ROBO1: variants seen among roughly 807,000 people sequenced by gnomAD.
The protein encoded by ROBO1 is roundabout guidance receptor 1.
ROBO1 carries 149 observed loss-of-function variants against 195.9 expected under a neutral mutation model. That is an observed-to-expected ratio of 0.76 (90% CI 0.67 to 0.87). The LOEUF is 0.87. Ranked by LOEUF, ROBO1 falls within the 40% of genes least tolerant of loss-of-function variation. ROBO1 has a pLI of 0.00. For missense variants in ROBO1, 1,933 were observed against 2,068.3 expected (o/e 0.93, Z 1.27); for synonymous variants, 816 against 733.2 (o/e 1.11, Z -1.82).
intron 1 of ROBO1, among the ~76,000 whole-genome samples, chr3:79,749,203 T>G (rs145323432): frequency 6.6e-6 from 1 of 152,222 alleles, no homozygotes; most frequent in African/African-American, 2.4e-5. Context: ...CTGGTGACAT[T>G]TTGCCCCTGC....
chr3:78,711,383 C>G (rs1262863170), intron 8 of ROBO1, among the ~76,000 whole-genome samples: 1 of 33,502 alleles, frequency 3.0e-5, no homozygotes, highest in African/African-American at 1.2e-4. Flanking sequence ...TCCTTCCTTC[C>G]TTCCTTCCTT....
At chr3:79,346,174 T>C (rs137939265) in intron 2 of ROBO1, among the ~76,000 whole-genome samples, 1 of 151,950 alleles carries the variant, frequency 6.6e-6, no homozygotes, top group African/African-American at 2.4e-5. Flanking sequence ...TTAATATTTA[T>C]AGAGAAATAC....
At chr3:79,643,700 G>A (rs1945733914) in intron 1 of ROBO1, among the ~76,000 whole-genome samples, 1 of 151,700 alleles carries the variant, frequency 6.6e-6, no homozygotes, top group African/African-American at 2.4e-5. Flanking sequence ...TAAGTCTCAT[G>A]GTAACCACAA....
intron 2 of ROBO1, among the ~76,000 whole-genome samples, chr3:79,185,501 A>G (rs2081421179): frequency 6.6e-6 from 1 of 152,158 alleles, no homozygotes; most frequent in South Asian, 2.1e-4. Context: ...CTTCCTAATC[A>G]TAAACTTTAT....
intron 4 of ROBO1, among the ~76,000 whole-genome samples, chr3:78,788,392 A>T (rs1411272130): frequency 7.1e-6 from 1 of 140,368 alleles, no homozygotes; most frequent in Admixed American, 7.5e-5. Context: ...TGCTGGGATT[A>T]CAGGTATGAG....
chr3:79,201,639 T>C (rs957425335), intron 2 of ROBO1, among the ~76,000 whole-genome samples: 9 of 151,932 alleles, frequency 5.9e-5, no homozygotes, highest in African/African-American at 1.9e-4. Context: ...GTCTTAAATG[T>C]CAGATCTTCC....
intron 2 of ROBO1, among the ~76,000 whole-genome samples, chr3:79,493,287 T>G (rs2107461190): frequency 6.6e-6 from 1 of 152,170 alleles, no homozygotes; most frequent in South Asian, 2.1e-4. Context: ...ATTTGCAATT[T>G]TATAAACTCT....
chr3:79,563,321 T>C (rs958684747), intron 2 of ROBO1, among the ~76,000 whole-genome samples: 2 of 152,084 alleles, frequency 1.3e-5, no homozygotes, highest in African/African-American at 4.8e-5. Context: ...AAACTTCAAC[T>C]ACAAATGATA....
At chr3:79,745,622 T>C (rs1447409259) in intron 1 of ROBO1, among the ~76,000 whole-genome samples, 1 of 152,152 alleles carries the variant, frequency 6.6e-6, no homozygotes, top group Non-Finnish European at 1.5e-5. Flanking sequence ...GGTGTGATAA[T>C]ATTTATCCTG....
chr3:79,166,997 T>A (rs193190515), intron 2 of ROBO1, among the ~76,000 whole-genome samples: 358 of 152,118 alleles, frequency 2.4e-3, no homozygotes, highest in Middle Eastern at 0.017. Context: ...GATGTGCACA[T>A]ATCCACGTGT....
intron 3 of ROBO1, among the ~76,000 whole-genome samples, chr3:79,092,823 A>C (rs921114442): frequency 6.6e-6 from 1 of 151,930 alleles, no homozygotes; most frequent in Non-Finnish European, 1.5e-5. Context: ...TCATTTTTTG[A>C]CCTCATTCTC....
At chr3:79,657,742 T>A (rs1946210433) in intron 1 of ROBO1, among the ~76,000 whole-genome samples, 1 of 152,112 alleles carries the variant, frequency 6.6e-6, no homozygotes, top group South Asian at 2.1e-4. Context: ...ATATAACTTA[T>A]ATTCTTAGAA....
At chr3:79,064,374 C>G (rs1017073424) in intron 3 of ROBO1, among the ~76,000 whole-genome samples, 1 of 151,880 alleles carries the variant, frequency 6.6e-6, no homozygotes, top group African/African-American at 2.4e-5. Flanking sequence ...TCTCAGTCTC[C>G]TGTACTTTTT....
At chr3:79,745,808 T>C (rs2107450311) in intron 1 of ROBO1, among the ~76,000 whole-genome samples, 1 of 152,268 alleles carries the variant, frequency 6.6e-6, no homozygotes, top group Non-Finnish European at 1.5e-5. Context: ...ACTATATATG[T>C]ATACAATTGG....
intron 4 of ROBO1, among the ~76,000 whole-genome samples, chr3:78,839,436 ATTTT>A (rs377740523): frequency 6.6e-6 from 1 of 150,812 alleles, no homozygotes. Context: ...AAAAAAGAAT[ATTTT>A]TTTTCATTAC....
At chr3:78,688,854 G>T in intron 8 of ROBO1, 82 bp from the exon 9 acceptor site, 1 of 1,344,824 alleles carries the variant, frequency 7.4e-7, no homozygotes, top group Non-Finnish European at 1.0e-6. Context: ...TATTCTAAGT[G>T]CTGCTGTTAT....
At chr3:79,765,340 A>T (rs540504671) in intron 1 of ROBO1, among the ~76,000 whole-genome samples, 1 of 152,206 alleles carries the variant, frequency 6.6e-6, no homozygotes, top group Non-Finnish European at 1.5e-5. Flanking sequence ...AAGTCATCTT[A>T]CCAACTGGAT....
intron 26 of ROBO1, among the ~76,000 whole-genome samples, chr3:78,624,782 C>T (rs1357206629): frequency 6.6e-6 from 1 of 151,872 alleles, no homozygotes; most frequent in Non-Finnish European, 1.5e-5. Flanking sequence ...TGGGAACAGA[C>T]TCTTATGAAG....
intron 2 of ROBO1, among the ~76,000 whole-genome samples, chr3:79,295,480 G>A (rs1026280747): frequency 3.3e-5 from 5 of 152,102 alleles, no homozygotes; most frequent in African/African-American, 9.7e-5. Context: ...ATAGCATTAG[G>A]AGAAATACCT....
Sources: gnomAD v4.1 joint callset for allele counts (sites outside exome capture counted in the v4.1 genomes callset) on GRCh38, gnomAD v4.1.1 for gene constraint, MANE v1.5 for transcripts, NCBI Gene and HGNC (gene_info 2026-07-23, HGNC 2026-07-21) for gene names.